PTPRN2: variants seen among roughly 807,000 people sequenced by gnomAD.
PTPRN2 encodes protein tyrosine phosphatase receptor type N2.
PTPRN2 carries 74 observed loss-of-function variants against 118.8 expected under a neutral mutation model. That is an observed-to-expected ratio of 0.62 (90% confidence interval 0.52 to 0.76). PTPRN2 has a LOEUF of 0.76. PTPRN2 is among the 30% of genes least tolerant of loss of function. PTPRN2 has a pLI of 0.00. For synonymous variants in PTPRN2, 641 were observed against 608.0 expected (o/e 1.05, Z -0.80); for missense variants, 1,481 against 1,394.4 (o/e 1.06, Z -0.99).
intron 14 of PTPRN2, among the ~76,000 whole-genome samples, chr7:157,643,103 C>G (rs1422827738): frequency 6.6e-6 from 1 of 152,212 alleles, no homozygotes; most frequent in Non-Finnish European, 1.5e-5. Context: ...AATGCACTTT[C>G]AACTTACGAT....
At chr7:158,340,654 C>A (rs1361338799) in intron 2 of PTPRN2, among the ~76,000 whole-genome samples, 2 of 99,378 alleles carry the variant, frequency 2.0e-5, no homozygotes, top group African/African-American at 3.7e-5. Flanking sequence ...AGCTGACGCC[C>A]GCAGACGTCA....
intron 11 of PTPRN2, among the ~76,000 whole-genome samples, chr7:157,976,819 A>C (rs1802788546): frequency 6.6e-6 from 1 of 151,904 alleles, no homozygotes; most frequent in Admixed American, 6.6e-5. Flanking sequence ...TGTCTTGTTG[A>C]TATTAAACTG....
At chr7:157,894,711 G>C (rs1231383327) in intron 12 of PTPRN2, among the ~76,000 whole-genome samples, 1 of 152,158 alleles carries the variant, frequency 6.6e-6, no homozygotes, top group Non-Finnish European at 1.5e-5. Context: ...TGGCCTTGGG[G>C]TGGATGGAGA....
At chr7:157,856,944 C>T (rs1584881135) in intron 12 of PTPRN2, among the ~76,000 whole-genome samples, 1 of 152,198 alleles carries the variant, frequency 6.6e-6, no homozygotes, top group South Asian at 2.1e-4. Context: ...ATGATTTATT[C>T]TCAAATTTTT....
chr7:157,758,358 A>T (rs1801930004), intron 12 of PTPRN2, among the ~76,000 whole-genome samples: 1 of 152,230 alleles, frequency 6.6e-6, no homozygotes. Flanking sequence ...GTTGCACAGC[A>T]GTCAGGGTAA....
At position 158,551,600 on chromosome 7, in the gene PTPRN2, C is replaced by A. The variant is rs557486665; in HGVS notation, c.112+35958G>T. Among the ~76,000 whole-genome samples, 6 of 119,840 alleles carry A rather than the reference C, an allele frequency of 5.0e-5. No homozygotes were observed. The East Asian group carries it at 1.7e-3, about 34-fold the overall frequency. The allele number at this position is 119,840 out of a possible 152,430, so 78.6% of individuals were successfully genotyped here. A position where few individuals can be genotyped will look rare whatever the true frequency, so the allele number is the denominator to read the frequency against. ...ATCAGGGGTGGGGTTCTAATGCATG[C>A]ATTTGGGGGGCCCTGCCTCCTAATC... On this transcript the variant is annotated intron_variant, in intron 1 of 22. Coordinates refer to ENST00000389418, the MANE Select transcript of PTPRN2 (RefSeq NM_002847.5).
intron 3 of PTPRN2, among the ~76,000 whole-genome samples, chr7:158,225,993 A>T (rs1442050976): frequency 6.6e-6 from 1 of 152,170 alleles, no homozygotes; most frequent in Non-Finnish European, 1.5e-5. Context: ...AGTGGGGAGC[A>T]GTAAAAGCTC....
At chr7:158,456,952 C>CA (rs1246449218) in intron 2 of PTPRN2, among the ~76,000 whole-genome samples, 4 of 152,132 alleles carry the variant, frequency 2.6e-5, no homozygotes, top group Non-Finnish European at 5.9e-5. Context: ...AAAATGTCAT[C>CA]ACAAACCCAG....
intron 2 of PTPRN2, among the ~76,000 whole-genome samples, chr7:158,414,981 A>C (rs1814531153): frequency 6.6e-6 from 1 of 152,064 alleles, no homozygotes; most frequent in African/African-American, 2.4e-5. Context: ...TTTCCTGATG[A>C]TACAACCAGC....
rs1460360625 is a variant in PTPRN2, at chr7:157,576,670, A to T, written c.2726T>A (p.Leu909Gln). 1 of 1,612,542 alleles carries T rather than the reference A, an allele frequency of 6.2e-7. No homozygotes were observed. The change falls in exon 19 of 23, where the codon CTG becomes CAG. Residue 909 changes from leucine to glutamine, a missense_variant. Transcript: ENST00000389418. ...ETRTVTQFHFLSWYDRGVPSS... is the reference protein window; with the variant it reads ...ETRTVTQFHFQSWYDRGVPSS... ...AGGGACTCCTCGGTCATACCAACTC[A>T]GGAAGTGGAACTGCGTCACGGTGCG... is the stretch of plus-strand genomic sequence containing the variant.
intron 12 of PTPRN2, among the ~76,000 whole-genome samples, chr7:157,772,315 A>G (rs1004620472): frequency 4.0e-5 from 6 of 151,390 alleles, no homozygotes; most frequent in African/African-American, 1.5e-4. Flanking sequence ...AGACACACAT[A>G]GACACAGACA....
chr7:158,157,906 C>G (rs953961275), intron 6 of PTPRN2, among the ~76,000 whole-genome samples: 1 of 152,238 alleles, frequency 6.6e-6, no homozygotes, highest in Admixed American at 6.5e-5. Context: ...ACTTTGATAA[C>G]ATAGGTGCCT....
At chr7:158,142,184 T>C (rs976284172) in intron 6 of PTPRN2, among the ~76,000 whole-genome samples, 3 of 152,210 alleles carry the variant, frequency 2.0e-5, no homozygotes, top group African/African-American at 7.2e-5. Flanking sequence ...GCTTTCCACA[T>C]GCAAACCCTG....
chr7:158,523,413 CGG>C (rs1824385499), intron 1 of PTPRN2, among the ~76,000 whole-genome samples: 1 of 105,622 alleles, frequency 9.5e-6, no homozygotes, highest in Non-Finnish European at 2.1e-5. Flanking sequence ...TGCCCTGGAG[CGG>C]AGTCTGCCCT....
intron 2 of PTPRN2, among the ~76,000 whole-genome samples, chr7:158,463,361 C>G (rs1819140718): frequency 6.6e-6 from 1 of 151,932 alleles, no homozygotes; most frequent in South Asian, 2.1e-4. Flanking sequence ...TCATCACCAT[C>G]ACCATCAGCA....
intron 11 of PTPRN2, among the ~76,000 whole-genome samples, chr7:157,938,531 G>A (rs978799577): frequency 3.9e-5 from 6 of 152,238 alleles, no homozygotes; most frequent in Non-Finnish European, 8.8e-5. Flanking sequence ...AGAGGCCCAG[G>A]GAGGCTGCCT....
At chr7:158,258,586 G>A (rs57589961) in intron 3 of PTPRN2, among the ~76,000 whole-genome samples, 4,120 of 152,278 alleles carry the variant, frequency 0.027, 182 homozygotes, top group African/African-American at 0.094. Context: ...CTCTGTGGAA[G>A]GGTCTGTGTC....
At chr7:158,035,160 T>C (rs1182035143) in intron 11 of PTPRN2, among the ~76,000 whole-genome samples, 1 of 152,204 alleles carries the variant, frequency 6.6e-6, no homozygotes, top group African/African-American at 2.4e-5. Flanking sequence ...CGATAGTGTG[T>C]TTACACGCAT....
chr7:158,308,621 T>C (rs939840877), intron 3 of PTPRN2, among the ~76,000 whole-genome samples: 2 of 152,182 alleles, frequency 1.3e-5, no homozygotes, highest in East Asian at 1.9e-4. Context: ...ACAGAGAGTG[T>C]TTGAAAATTA....
Sources: allele counts gnomAD v4.1 joint callset (sites outside exome capture counted in the v4.1 genomes callset), GRCh38; gene constraint gnomAD v4.1.1; transcripts MANE v1.5; gene names NCBI Gene and HGNC (gene_info 2026-07-23, HGNC 2026-07-21).